SPECC1: variants seen among roughly 807,000 people sequenced by gnomAD.
SPECC1 encodes cytospin-B.
A neutral mutation model predicts 104.1 loss-of-function variants in SPECC1; 62 were observed. The ratio of observed to expected loss-of-function variants is 0.60; its 90% confidence interval spans 0.49 to 0.74. The LOEUF (loss-of-function observed/expected upper bound fraction) is 0.74, where lower values mean the gene tolerates loss of function less well. SPECC1 is among the 30% of genes least tolerant of loss of function. SPECC1 has a pLI of 0.00. For missense variants in SPECC1, 1,306 were observed against 1,310.5 expected (o/e 1.00, Z 0.05); for synonymous variants, 513 against 501.6 (o/e 1.02, Z -0.30).
Position 20,077,675 on chromosome 17 carries a change from C to A in SPECC1, c.-21-18956C>A, listed in dbSNP as rs533909023. Among the ~76,000 whole-genome samples the A allele has an allele frequency of 2.8e-3, 424 of 152,224 alleles. 2 individuals carry two copies. Among genetic ancestry groups the A allele is most frequent in the Non-Finnish European group, 3.9e-3 (267 of 68,022 alleles). On this transcript the variant is annotated intron_variant, in intron 1 of 14. Coordinates refer to ENST00000395527, the MANE Select transcript of SPECC1 (RefSeq NM_001243439.2). ...AGAGGTGGGGTTTTGCAATGTTGGCCAGGCTGGTCTCGGACTCCTGACCTC... is the reference window on the plus strand; with the variant it reads ...AGAGGTGGGGTTTTGCAATGTTGGCAAGGCTGGTCTCGGACTCCTGACCTC...
At chr17:20,015,584 A>ATTT (rs1222758913) in intron 1 of SPECC1, among the ~76,000 whole-genome samples, 1 of 102,072 alleles carries the variant, frequency 9.8e-6, no homozygotes. Flanking sequence ...CCGGGTCTCT[A>ATTT]TTTTTTTTTT....
At chr17:20,245,600 A>G (rs1469048466) in intron 7 of SPECC1, among the ~76,000 whole-genome samples, 8 of 152,174 alleles carry the variant, frequency 5.3e-5, no homozygotes, top group African/African-American at 9.7e-5. Context: ...TTTATGGTCA[A>G]TAACATTTGC....
chr17:20,195,796 C>T (rs2035994490), intron 3 of SPECC1, among the ~76,000 whole-genome samples: 1 of 152,080 alleles, frequency 6.6e-6, no homozygotes, highest in Non-Finnish European at 1.5e-5. Context: ...TAAATCTTTC[C>T]AATCTTAATC....
chr17:20,233,718 T>C (rs960151499), intron 7 of SPECC1, among the ~76,000 whole-genome samples: 7 of 152,226 alleles, frequency 4.6e-5, no homozygotes, highest in Middle Eastern at 3.4e-3. Flanking sequence ...GATGTGAATT[T>C]TAAGTGGAGG....
chr17:20,034,037 AC>A (rs1481692961), intron 1 of SPECC1, among the ~76,000 whole-genome samples: 9 of 152,148 alleles, frequency 5.9e-5, no homozygotes, highest in Non-Finnish European at 1.3e-4. Flanking sequence ...TGCTCTAAAT[AC>A]TAATACAATT....
intron 1 of SPECC1, chr17:20,017,524 C>G (rs2044192111): frequency 6.5e-6 from 1 of 153,126 alleles, no homozygotes; most frequent in Non-Finnish European, 1.5e-5. Flanking sequence ...CTTCATTCTC[C>G]AAGTCAGACC....
At chr17:20,229,423 G>A (rs554932952) in intron 5 of SPECC1, among the ~76,000 whole-genome samples, 1 of 152,194 alleles carries the variant, frequency 6.6e-6, no homozygotes, top group Non-Finnish European at 1.5e-5. Context: ...TCAGCACTTT[G>A]GGAGACTGAG....
intron 7 of SPECC1, among the ~76,000 whole-genome samples, chr17:20,241,266 C>T (rs566141131): frequency 3.9e-5 from 6 of 152,304 alleles, no homozygotes; most frequent in South Asian, 4.1e-4. Flanking sequence ...GATCTCTTTG[C>T]GTGCCCCTCA....
chr17:20,155,941 T>C, intron 3 of SPECC1: 1 of 1,228,810 alleles, frequency 8.1e-7, no homozygotes. Context: ...GCAGTTGAGG[T>C]GGTCCGGCAG....
intron 1 of SPECC1, among the ~76,000 whole-genome samples, chr17:20,071,029 T>C (rs2152481484): frequency 6.6e-6 from 1 of 152,272 alleles, no homozygotes; most frequent in Non-Finnish European, 1.5e-5. Flanking sequence ...TTCTTCTTTT[T>C]CAGTTTTTTG....
At chr17:20,186,662 C>T (rs1410056855) in intron 3 of SPECC1, among the ~76,000 whole-genome samples, 1 of 152,184 alleles carries the variant, frequency 6.6e-6, no homozygotes, top group Non-Finnish European at 1.5e-5. Flanking sequence ...TTCCCAGGCT[C>T]AGGTGATCCT....
intron 1 of SPECC1, among the ~76,000 whole-genome samples, chr17:20,050,111 CT>C (rs954696694): frequency 4.1e-4 from 62 of 152,356 alleles, no homozygotes; most frequent in African/African-American, 1.4e-3. Flanking sequence ...GCCACCGCCC[CT>C]GGCCAATTTT....
chr17:20,062,389 T>G (rs9897246), intron 1 of SPECC1, among the ~76,000 whole-genome samples: 79,348 of 151,958 alleles, frequency 0.52, 21,205 homozygotes, highest in Middle Eastern at 0.61. Context: ...ATTAAACAGG[T>G]TCTCCCTCTT....
intron 1 of SPECC1, among the ~76,000 whole-genome samples, chr17:20,058,835 CTTTTTTT>C (rs58811372): frequency 4.8e-5 from 5 of 103,576 alleles, no homozygotes; most frequent in Non-Finnish European, 7.8e-5. Flanking sequence ...CACTTTATTT[CTTTTTTT>C]TTTTTTTTTT....
intron 1 of SPECC1, among the ~76,000 whole-genome samples, chr17:20,066,931 T>TTTTTG (rs374038518): frequency 6.1e-5 from 9 of 147,902 alleles, no homozygotes; most frequent in African/African-American, 2.0e-4. Context: ...TTTTTTTTTT[T>TTTTTG]GGTAGAGATA....
At chr17:20,150,903 A>C (rs2031948715) in intron 3 of SPECC1, among the ~76,000 whole-genome samples, 1 of 152,152 alleles carries the variant, frequency 6.6e-6, no homozygotes, top group Non-Finnish European at 1.5e-5. Flanking sequence ...ACACATATTA[A>C]TATGGACAGT....
At chr17:20,092,816 A>G (rs975779066) in intron 1 of SPECC1, among the ~76,000 whole-genome samples, 1 of 152,246 alleles carries the variant, frequency 6.6e-6, no homozygotes, top group Admixed American at 6.5e-5. Flanking sequence ...GAAGATGTAG[A>G]GAATCATGTT....
intron 3 of SPECC1, among the ~76,000 whole-genome samples, chr17:20,183,366 A>G (rs1369491815): frequency 2.0e-5 from 3 of 152,240 alleles, no homozygotes; most frequent in African/African-American, 7.2e-5. Flanking sequence ...TGTCTTGTAG[A>G]CATAAAAGCA....
chr17:20,158,306 C>T (rs943223349), intron 3 of SPECC1, among the ~76,000 whole-genome samples: 17 of 152,068 alleles, frequency 1.1e-4, no homozygotes, highest in African/African-American at 3.9e-4. Flanking sequence ...GCATGGTTCC[C>T]GTATTGTGTC....
Sources: gnomAD v4.1 joint callset for allele counts (sites outside exome capture counted in the v4.1 genomes callset) on GRCh38, gnomAD v4.1.1 for gene constraint, MANE v1.5 for transcripts, NCBI Gene and HGNC (gene_info 2026-07-23, HGNC 2026-07-21) for gene names.